The following MKX variants were observed in gnomAD, a reference collection of about 807,000 sequenced individuals.
MKX encodes homeobox protein Mohawk.
Under a neutral mutation model 36.0 loss-of-function variants are expected in MKX, and 13 were observed. The observed-to-expected ratio is 0.36, with a 90% CI of 0.24 to 0.57. The LOEUF (loss-of-function observed/expected upper bound fraction) is 0.57, where lower values mean the gene tolerates loss of function less well. MKX is among the 20% of genes least tolerant of loss of function. The pLI, the probability that MKX is intolerant of heterozygous loss-of-function variation, is 0.79. For synonymous variants in MKX, 176 were observed against 178.3 expected (o/e 0.99, Z 0.10); for missense variants, 458 against 456.4 (o/e 1.00, Z -0.03).
chr10:27,721,735 C>T (rs765012938), intron 5 of MKX, among the ~76,000 whole-genome samples: 21 of 152,108 alleles, frequency 1.4e-4, no homozygotes, highest in Non-Finnish European at 2.8e-4. Context: ...CACACGTTAA[C>T]CTATGTAACA....
intron 5 of MKX, among the ~76,000 whole-genome samples, chr10:27,681,049 G>C (rs1457259338): frequency 6.6e-6 from 1 of 152,196 alleles, no homozygotes; most frequent in East Asian, 1.9e-4. Context: ...TACGACAGTG[G>C]CCCATAAGAT....
In MKX at chr10:27,674,690, A is replaced by G. The variant is rs1225247243; in HGVS notation, c.*539T>C. On this transcript the variant is annotated 3_prime_UTR_variant, in exon 7 of 7. Transcript: ENST00000419761. The stretch of plus-strand genomic sequence containing the variant: ...CATATCAAATATGCAGGCAAGATAC[A>G]TGCATAAAATTCTCACCGTCACTCT... 1 of 152,434 alleles carries G rather than the reference A, an allele frequency of 6.6e-6. No homozygotes were observed. The highest frequency in any genetic ancestry group is 2.4e-5 in the African/African-American group (1 of 41,482). The allele number at this position is 152,434 out of a possible 1,614,324, so 9.4% of individuals were successfully genotyped here. A position where few individuals can be genotyped will look rare whatever the true frequency, so the allele number is the denominator to read the frequency against.
At position 27,734,788 on chromosome 10, in the gene MKX, C is replaced by T; in HGVS notation, c.506G>A (p.Gly169Glu). The T allele has an allele frequency of 6.2e-7, 1 of 1,607,512 alleles. No individual in the cohort carries two copies. Among genetic ancestry groups the T allele is most frequent in the Non-Finnish European group, 8.5e-7 (1 of 1,176,188 alleles). ...CATGTGGGTTCTTGGAGGATTTTCTCCATCTAAAGTGGAACAGTATCACTA... is the reference window on the plus strand; with the variant it reads ...CATGTGGGTTCTTGGAGGATTTTCTTCATCTAAAGTGGAACAGTATCACTA... ...VSSDDSCSEDGENPPRTHMNE... is the reference protein window; with the variant it reads ...VSSDDSCSEDEENPPRTHMNE... The change falls in exon 5 of 7, where the codon GGA becomes GAA. Residue 169 changes from glycine to glutamate, a missense_variant. Gly to Glu is a moderately conservative substitution (Grantham distance 98). This residue lies in a region of MKX where 297 missense variants were observed against 304.4 expected (regional missense o/e 0.98). Coordinates refer to ENST00000419761, the MANE Select transcript of MKX (RefSeq NM_173576.3).
At chr10:27,725,304 G>A (rs1206235042) in intron 5 of MKX, among the ~76,000 whole-genome samples, 1 of 152,154 alleles carries the variant, frequency 6.6e-6, no homozygotes, top group African/African-American at 2.4e-5. Context: ...AACGGAAGCT[G>A]TCAAAGAGGA....
intron 3 of MKX, 98 bp from the exon 4 acceptor site, chr10:27,735,472 G>T: frequency 1.1e-6 from 1 of 887,558 alleles, no homozygotes; most frequent in South Asian, 1.8e-5. Context: ...CAGCACCTCT[G>T]ATCATTAAAT....
chr10:27,690,889 C>CAGAT (rs914180188), intron 5 of MKX, among the ~76,000 whole-genome samples: 18 of 152,156 alleles, frequency 1.2e-4, no homozygotes, highest in African/African-American at 4.3e-4. Context: ...GAGAGGTGAT[C>CAGAT]AGATCATGGG....
chr10:27,697,095 T>C (rs960971792), intron 5 of MKX, among the ~76,000 whole-genome samples: 4 of 152,228 alleles, frequency 2.6e-5, no homozygotes, highest in African/African-American at 9.6e-5. Context: ...AGAATGTATA[T>C]ATGTTTTCAA....
chr10:27,696,033 C>T (rs968392688), intron 5 of MKX, among the ~76,000 whole-genome samples: 1 of 152,124 alleles, frequency 6.6e-6, no homozygotes, highest in South Asian at 2.1e-4. Flanking sequence ...TTGTAGGATT[C>T]ATGCCTTTTT....
intron 5 of MKX, among the ~76,000 whole-genome samples, chr10:27,687,371 G>A (rs923027074): frequency 1.3e-5 from 2 of 152,152 alleles, no homozygotes; most frequent in Non-Finnish European, 2.9e-5. Context: ...TTCATATCTC[G>A]AAGCTCTCAG....
At chr10:27,717,250 C>G (rs1473165217) in intron 5 of MKX, among the ~76,000 whole-genome samples, 1 of 152,156 alleles carries the variant, frequency 6.6e-6, no homozygotes. Flanking sequence ...CCTAGCTATG[C>G]CATGCCAGAC....
intron 5 of MKX, among the ~76,000 whole-genome samples, chr10:27,709,159 ACT>A (rs1014424426): frequency 7.1e-6 from 1 of 140,286 alleles, no homozygotes; most frequent in Non-Finnish European, 1.5e-5. Context: ...ACAAAGCGAG[ACT>A]CTGTCTCAAA....
At chr10:27,730,256 C>A (rs573732863) in intron 5 of MKX, among the ~76,000 whole-genome samples, 1 of 152,074 alleles carries the variant, frequency 6.6e-6, no homozygotes, top group East Asian at 1.9e-4. Flanking sequence ...TGGCATGAAG[C>A]CAAAGACTGT....
At chr10:27,710,164 A>C (rs1836826811) in intron 5 of MKX, among the ~76,000 whole-genome samples, 1 of 152,134 alleles carries the variant, frequency 6.6e-6, no homozygotes, top group Admixed American at 6.5e-5. Context: ...CTGTTCCTTA[A>C]ATTTCATAGT....
chr10:27,689,866 C>T (rs1239222952), intron 5 of MKX, among the ~76,000 whole-genome samples: 1 of 152,152 alleles, frequency 6.6e-6, no homozygotes, highest in African/African-American at 2.4e-5. Context: ...GATTCCCTGC[C>T]AAGGAGAACC....
At chr10:27,698,755 G>A (rs1217688591) in intron 5 of MKX, among the ~76,000 whole-genome samples, 1 of 152,122 alleles carries the variant, frequency 6.6e-6, no homozygotes, top group African/African-American at 2.4e-5. Context: ...AAACCGCGAT[G>A]CGAAATTACT....
chr10:27,721,969 G>GA lies in MKX; in HGVS notation c.838+12486dup, dbSNP rs1454654483. Among the ~76,000 whole-genome samples, 5 of 151,968 alleles carry GA rather than the reference G, an allele frequency of 3.3e-5. No homozygotes were observed. The East Asian group carries it at 9.6e-4, about 29-fold the overall frequency. ...GACAATTGGCTGTTCATTTGGTGGA[G>GA]AAAAAAGTAGTCTGATCATGATCTC... On this transcript the variant is annotated intron_variant, in intron 5 of 6. Coordinates refer to ENST00000419761, the MANE Select transcript of MKX (RefSeq NM_173576.3).
At chr10:27,703,618 G>A (rs1179368235) in intron 5 of MKX, among the ~76,000 whole-genome samples, 2 of 152,066 alleles carry the variant, frequency 1.3e-5, no homozygotes, top group African/African-American at 4.8e-5. Flanking sequence ...TTCCAAGTTG[G>A]CAGGGCTTGG....
chr10:27,678,369 G>A (rs989615629), intron 5 of MKX, among the ~76,000 whole-genome samples: 1 of 152,234 alleles, frequency 6.6e-6, no homozygotes, highest in Non-Finnish European at 1.5e-5. Flanking sequence ...TGAAGCAATA[G>A]GTTATGGAGA....
At chr10:27,698,544 T>C (rs1836595824) in intron 5 of MKX, among the ~76,000 whole-genome samples, 1 of 152,114 alleles carries the variant, frequency 6.6e-6, no homozygotes, top group African/African-American at 2.4e-5. Context: ...GTTTCTCAGA[T>C]TTCTGCCTTG....
Sources: allele counts gnomAD v4.1 joint callset (sites outside exome capture counted in the v4.1 genomes callset), GRCh38; gene constraint gnomAD v4.1.1; regional missense constraint gnomAD v4.1.1; transcripts MANE v1.5; gene names NCBI Gene and HGNC (gene_info 2026-07-23, HGNC 2026-07-21).